ZMIZ1: variants seen among roughly 807,000 people sequenced by gnomAD.
ZMIZ1 encodes the protein zinc finger MIZ-type containing 1, also known as zinc finger MIZ domain-containing protein 1.
A neutral mutation model predicts 113.9 loss-of-function variants in ZMIZ1; 17 were observed. The observed-to-expected ratio is 0.15, with a 90% CI of 0.10 to 0.22. The LOEUF is 0.22. Among genes scored for constraint, ZMIZ1 ranks in the 10% least tolerant of loss-of-function variants. The probability of loss-of-function intolerance (pLI) is 1.00; values close to 1 mark genes in which losing one functional copy is unlikely to be tolerated. For synonymous variants in ZMIZ1, 607 were observed against 603.1 expected, an observed-to-expected ratio of 1.01 and a Z score of -0.09; for missense variants, 1,059 against 1,477.8, an observed-to-expected ratio of 0.72 and a Z score of 4.65.
chr10:79,269,562 G>A (rs543352973), intron 7 of ZMIZ1, among the ~76,000 whole-genome samples: 1 of 151,840 alleles, frequency 6.6e-6, no homozygotes, highest in Non-Finnish European at 1.5e-5. Flanking sequence ...TTCATTTTGC[G>A]TGTGGCTTCC....
Position 79,177,239 on chromosome 10 carries a change from G to A in ZMIZ1, c.-50+15106G>A, listed in dbSNP as rs573688489. ...AGGAAGCCCTGCTCCCCACAGCACC[G>A]CCACAAAAACAGTGGAAAAGTGAAG... On this transcript the variant is annotated intron_variant, in intron 4 of 24. Transcript: ENST00000334512. Among the ~76,000 whole-genome samples, 71 of 152,348 alleles carry A rather than the reference G, an allele frequency of 4.7e-4. 1 individual carries two copies. The South Asian group carries it at 0.011, about 23-fold the overall frequency.
chr10:79,169,948 C>T (rs1381746126), intron 4 of ZMIZ1, among the ~76,000 whole-genome samples: 1 of 152,220 alleles, frequency 6.6e-6, no homozygotes, highest in Non-Finnish European at 1.5e-5. Context: ...CTTCCCTCTC[C>T]AGAGACAATG....
intron 3 of ZMIZ1, among the ~76,000 whole-genome samples, chr10:79,161,596 G>C (rs932424926): frequency 2.0e-5 from 3 of 152,146 alleles, no homozygotes; most frequent in African/African-American, 7.2e-5. Context: ...AGTCTCTGCT[G>C]TGTGGCTCCT....
At chr10:79,182,182 C>T (rs576292060) in intron 4 of ZMIZ1, among the ~76,000 whole-genome samples, 81 of 152,346 alleles carry the variant, frequency 5.3e-4, no homozygotes, top group African/African-American at 1.9e-3. Flanking sequence ...GGGCTATGTC[C>T]TGCTCATGCA....
intron 4 of ZMIZ1, among the ~76,000 whole-genome samples, chr10:79,168,083 C>T (rs993926002): frequency 3.9e-5 from 6 of 152,230 alleles, no homozygotes; most frequent in South Asian, 2.1e-4. Context: ...GAGCCCTCTA[C>T]CCTCTGGAGC....
At chr10:79,126,196 A>G (rs1269054029) in intron 2 of ZMIZ1, among the ~76,000 whole-genome samples, 2 of 152,200 alleles carry the variant, frequency 1.3e-5, no homozygotes, top group Non-Finnish European at 2.9e-5. Flanking sequence ...TGTAGGCCCA[A>G]TGGTCAGGGC....
intron 4 of ZMIZ1, among the ~76,000 whole-genome samples, chr10:79,179,688 G>C (rs1847030110): frequency 6.6e-6 from 1 of 152,260 alleles, no homozygotes; most frequent in Non-Finnish European, 1.5e-5. Context: ...GGGCCAAGAG[G>C]GGAAAGCCCC....
intron 17 of ZMIZ1, 21 bp from the exon 18 acceptor site, chr10:79,302,086 G>T (rs1262695374): frequency 1.9e-6 from 3 of 1,611,916 alleles, no homozygotes; most frequent in Non-Finnish European, 2.5e-6. Flanking sequence ...CAGGAACTGA[G>T]TGTCTCCTCT....
chr10:79,069,446 G>C lies in ZMIZ1; in HGVS notation c.-337+176G>C, dbSNP rs1447567912. Among the ~76,000 whole-genome samples the C allele has an allele frequency of 6.6e-6, 1 of 151,184 alleles. No individual in the cohort carries two copies. Among genetic ancestry groups the C allele is most frequent in the Non-Finnish European group, 1.5e-5 (1 of 67,766 alleles). ...TCCGCTCCGCTCTCCTTGGCGGCCG[G>C]GGGCCGAGGCCCGGCGGCCGGCGAG... On this transcript the variant is annotated intron_variant, in intron 1 of 24. Coordinates refer to ENST00000334512, the MANE Select transcript of ZMIZ1 (RefSeq NM_020338.4). The surrounding 1 kb of genome is among the most constrained non-coding windows in gnomAD (Gnocchi z 4.6).
chr10:79,164,609 A>C (rs1011025488), intron 4 of ZMIZ1, among the ~76,000 whole-genome samples: 5 of 152,250 alleles, frequency 3.3e-5, no homozygotes, highest in African/African-American at 9.6e-5. Flanking sequence ...AACTCCGGCC[A>C]GGAGACCTCA....
intron 7 of ZMIZ1, among the ~76,000 whole-genome samples, chr10:79,256,581 A>G (rs1227548987): frequency 6.6e-6 from 1 of 152,236 alleles, no homozygotes; most frequent in Non-Finnish European, 1.5e-5. Context: ...AGGGGATCAC[A>G]GGTGGGTCTG....
At chr10:79,101,676 C>G (rs144963357) in intron 1 of ZMIZ1, among the ~76,000 whole-genome samples, 4 of 152,160 alleles carry the variant, frequency 2.6e-5, no homozygotes, top group Non-Finnish European at 5.9e-5. Context: ...CTGCCTCCAT[C>G]TGGGTGAACC....
chr10:79,246,672 C>T (rs1474904537), intron 7 of ZMIZ1, among the ~76,000 whole-genome samples: 2 of 152,208 alleles, frequency 1.3e-5, no homozygotes, highest in Admixed American at 6.5e-5. Context: ...GGGCCTCCCT[C>T]GCCCTCCTTC....
chr10:79,075,541 G>GCACACCTGCACACAGCTGCA (rs1181325129), intron 1 of ZMIZ1, among the ~76,000 whole-genome samples: 6 of 152,178 alleles, frequency 3.9e-5, no homozygotes, highest in African/African-American at 1.4e-4. Context: ...CTGTGTGTGT[G>GCACACCTGCACACAGCTGCA]CACACCTGCA....
chr10:79,273,100 C>T (rs947936121), intron 7 of ZMIZ1, among the ~76,000 whole-genome samples: 5 of 152,168 alleles, frequency 3.3e-5, no homozygotes, highest in African/African-American at 1.2e-4. Context: ...GTTTAGGGGT[C>T]AGAAGCAGTG....
intron 2 of ZMIZ1, among the ~76,000 whole-genome samples, chr10:79,138,071 G>A (rs929860178): frequency 2.4e-4 from 36 of 152,146 alleles, no homozygotes; most frequent in Admixed American, 2.2e-3. Context: ...AGGGGCAGGC[G>A]GCGGGCACTG....
chr10:79,275,325 G>A (rs370301314), intron 7 of ZMIZ1, among the ~76,000 whole-genome samples: 8 of 152,298 alleles, frequency 5.3e-5, no homozygotes, highest in South Asian at 2.1e-4. Flanking sequence ...CCCCACGGAG[G>A]GGGGCAGGAC....
At chr10:79,299,252 T>C (rs941689411) in intron 16 of ZMIZ1, 61 bp downstream of exon 16, 2 of 1,548,936 alleles carry the variant, frequency 1.3e-6, no homozygotes, top group African/African-American at 1.4e-5. Context: ...TGGGATGGCT[T>C]CCTTGGGCCC....
intron 7 of ZMIZ1, among the ~76,000 whole-genome samples, chr10:79,254,311 CCT>C (rs1267827284): frequency 6.6e-6 from 1 of 152,238 alleles, no homozygotes; most frequent in Non-Finnish European, 1.5e-5. Flanking sequence ...TGGGGATGGT[CCT>C]CTCTGTTCAG....
Sources: gnomAD v4.1 joint callset for allele counts (sites outside exome capture counted in the v4.1 genomes callset) on GRCh38, gnomAD v4.1.1 for gene constraint, Gnocchi (gnomAD v3.1) non-coding constraint, MANE v1.5 for transcripts, NCBI Gene and HGNC (gene_info 2026-07-23, HGNC 2026-07-21) for gene names.